KLHL30: variants seen among roughly 807,000 people sequenced by gnomAD.
KLHL30 encodes kelch like family member 30.
KLHL30 carries 55 observed loss-of-function variants against 55.0 expected under a neutral mutation model. That is an observed-to-expected ratio of 1.00 (90% confidence interval 0.80 to 1.25). KLHL30 has a LOEUF of 1.25. Ranked by LOEUF, KLHL30 falls within the 50% of genes most tolerant of loss-of-function variation. The pLI, the probability that KLHL30 is intolerant of heterozygous loss-of-function variation, is 0.00. For synonymous variants in KLHL30, 356 were observed against 372.6 expected, an observed-to-expected ratio of 0.96 and a Z score of 0.51; for missense variants, 786 against 811.6, an observed-to-expected ratio of 0.97 and a Z score of 0.38.
rs1559275987 is a variant in KLHL30, at chr2:238,144,424, A to AGGCAGGC, written c.908-478_908-477insGGCAGGC. 3.7e-3 allele frequency among the ~76,000 whole-genome samples: 303 copies of AGGCAGGC among 82,468 alleles called. 2 individuals are homozygous for AGGCAGGC. Among genetic ancestry groups the AGGCAGGC allele is most frequent in the Non-Finnish European group, 5.4e-3 (200 of 37,100 alleles). 54.1% of individuals were successfully genotyped at this position (82,468 alleles called of 152,430 possible). ...GAAGGAAGGAAGGAAGGAAGGAAGG[A>AGGCAGGC]AGGAAGGAAGGCAGGCAGGCAGGCA... is the stretch of plus-strand genomic sequence containing the variant. On this transcript the variant is annotated intron_variant, in intron 3 of 7. Coordinates refer to ENST00000409223, the MANE Select transcript of KLHL30 (RefSeq NM_198582.4).
Position 238,150,976 on chromosome 2 carries a change from C to G in KLHL30, c.1648C>G (p.Pro550Ala). ...RDTWTRHGALPRLWLYHGAST... is the reference protein window; with the variant it reads ...RDTWTRHGALARLWLYHGAST... ...CACCTGGACCCGCCACGGCGCCCTG[C>G]CCCGGCTCTGGCTCTACCACGGGGC... Residue 550 changes from proline (P) to alanine (A), a missense_variant, in exon 8 of 8, where the codon CCC becomes GCC. By Grantham distance (27) the Pro-to-Ala change is conservative. Transcript: ENST00000409223. The G allele has an allele frequency of 6.3e-7, 1 of 1,590,838 alleles. No individual in the cohort carries two copies. Among genetic ancestry groups the G allele is most frequent in the South Asian group, 1.1e-5 (1 of 87,386 alleles).
chr2:238,144,957 G>A lies in KLHL30; in HGVS notation c.963G>A (p.Leu321=). 1 of 1,610,274 alleles carries A rather than the reference G, an allele frequency of 6.2e-7. No homozygotes were observed. Among genetic ancestry groups the A allele is most frequent in the East Asian group, 2.2e-5 (1 of 44,790 alleles). ...FPDYHKWGFS[L]AALNNNIYVT... is the part of the protein sequence containing the mutation. ...ACTATCACAAGTGGGGTTTCTCCCT[G>A]GCGGCCCTGAACAACAACATCTATG... The change falls in exon 4 of 8, where the codon CTG becomes CTA. Residue 321 remains leucine, a synonymous_variant. Transcript: ENST00000409223.
chr2:238,139,801 G>T (rs1435520748), intron 1 of KLHL30, among the ~76,000 whole-genome samples: 1 of 152,252 alleles, frequency 6.6e-6, no homozygotes, highest in Non-Finnish European at 1.5e-5. Flanking sequence ...TCGCCCTGGG[G>T]TGACCCGGGT....
chr2:238,141,105 G>A lies in KLHL30; in HGVS notation c.351G>A (p.Ser117=), dbSNP rs765756335. The A allele has an allele frequency of 2.2e-5, 36 of 1,608,214 alleles. No individual in the cohort carries two copies. The East Asian group carries it at 2.5e-4, about 11-fold the overall frequency. ...CGGCTGCGCGCCTGCACTTCCCCTC[G>A]GTGCAGAAGGTCTGCGGCCGCTACC... The part of the protein sequence containing the change: ...TRTAARLHFP[S]VQKVCGRYLQ... Residue 117 remains serine (S), a synonymous_variant, in exon 2 of 8, where the codon TCG becomes TCA. Coordinates refer to ENST00000409223, the MANE Select transcript of KLHL30 (RefSeq NM_198582.4).
intron 1 of KLHL30, among the ~76,000 whole-genome samples, chr2:238,138,992 C>T (rs1249671041): frequency 6.6e-6 from 1 of 152,186 alleles, no homozygotes; most frequent in Non-Finnish European, 1.5e-5. Context: ...GCTGGGCCAC[C>T]CCTCAGATGG....
Position 238,150,916 on chromosome 2 carries a change from C to T in KLHL30, c.1588C>T (p.His530Tyr), listed in dbSNP as rs749038599. The T allele has an allele frequency of 1.0e-5, 16 of 1,597,370 alleles. No individual in the cohort carries two copies. Among genetic ancestry groups the T allele is most frequent in the East Asian group, 2.3e-5 (1 of 43,922 alleles). Residue 530 changes from histidine (H) to tyrosine (Y), a missense_variant, in exon 8 of 8, where the codon CAC (histidine) becomes TAC (tyrosine). Coordinates refer to ENST00000409223, the MANE Select transcript of KLHL30 (RefSeq NM_198582.4). ...GRWQGMEGDYHVEMEAYDTVR... is the reference protein window; with the variant it reads ...GRWQGMEGDYYVEMEAYDTVR... ...CTGGCAGGGCATGGAAGGTGACTAC[C>T]ACGTGGAGATGGAGGCCTACGACAC...
rs1315270797 is a variant in KLHL30, at chr2:238,147,295, A to G, written c.1151-539A>G. Among the ~76,000 whole-genome samples the G allele has an allele frequency of 6.6e-6, 1 of 151,750 alleles. No individual in the cohort carries two copies. The highest frequency in any genetic ancestry group is 2.4e-5 in the African/African-American group (1 of 41,300). ...GTGGCTACCGTGTCCCCAACCAGAGAGCAGAAAGCACCCAGGGCTCCCGAG... is the reference window on the plus strand; with the variant it reads ...GTGGCTACCGTGTCCCCAACCAGAGGGCAGAAAGCACCCAGGGCTCCCGAG... On this transcript the variant is annotated intron_variant, in intron 5 of 7. Transcript: ENST00000409223. This position sits in a 1 kb window ranked among gnomAD's most constrained non-coding sequence, Gnocchi z 5.8.
rs1304669292 is a variant in KLHL30 at position 238,140,793 on chromosome 2, C to T, written c.39C>T (p.Pro13=). The T allele has an allele frequency of 6.3e-7, 1 of 1,578,216 alleles. No individual in the cohort carries two copies. Among genetic ancestry groups the T allele is most frequent in the South Asian group, 1.1e-5 (1 of 88,018 alleles). ...TGGATGACCTGGATTTCCACCTGCC[C>T]TCGCATGCCCAGGACATGCTGGATG... is the stretch of plus-strand genomic sequence containing the variant. ...RNVDDLDFHL[P]SHAQDMLDGL... is the part of the protein sequence containing the mutation. Residue 13 remains proline, a synonymous_variant, in exon 2 of 8, where the codon CCC becomes CCT. Transcript: ENST00000409223.
In KLHL30 at chr2:238,145,806, T is replaced by C. The variant is rs1692637593; in HGVS notation, c.1124T>C (p.Leu375Pro). Residue 375 changes from leucine to proline, a missense_variant, in exon 5 of 8, where the codon CTC (leucine) becomes CCC (proline). Transcript: ENST00000409223. ...KPRTNHASAA[L>P]NGEIYVIGGT... ...CGCACCAACCACGCCAGCGCGGCCC[T>C]CAATGGGGAGATCTACGTTATCGGC... The C allele has an allele frequency of 6.2e-7, 1 of 1,606,838 alleles. No individual in the cohort carries two copies. Among genetic ancestry groups the C allele is most frequent in the African/African-American group, 1.3e-5 (1 of 74,800 alleles).
rs1260855136 is a variant in KLHL30, at chr2:238,141,122, G to A, written c.368G>A (p.Gly123Asp). Residue 123 changes from glycine to aspartate, a missense_variant, in exon 2 of 8, where the codon GGC becomes GAC. Gly to Asp is a moderately conservative substitution (Grantham distance 94). Coordinates refer to ENST00000409223, the MANE Select transcript of KLHL30 (RefSeq NM_198582.4). ...LHFPSVQKVC[G>D]RYLQQQLDAA... Reference sequence around the variant, plus strand: ...TTCCCCTCGGTGCAGAAGGTCTGCGGCCGCTACCTGCAGCAGCAACTGGAT... The same window carrying A: ...TTCCCCTCGGTGCAGAAGGTCTGCGACCGCTACCTGCAGCAGCAACTGGAT... 6.2e-7 allele frequency: 1 copy of A among 1,611,096 alleles called. No homozygotes were observed. Among genetic ancestry groups the A allele is most frequent in the Admixed American group, 1.7e-5 (1 of 59,930 alleles).
intron 1 of KLHL30, among the ~76,000 whole-genome samples, chr2:238,140,279 A>G (rs1007834786): frequency 2.0e-5 from 3 of 152,106 alleles, no homozygotes; most frequent in African/African-American, 2.4e-5. Context: ...GCAGCCCCCA[A>G]ATGGCCTCCC....
chr2:238,140,661 T>C (rs983500219), intron 1 of KLHL30, 24 bp from the exon 2 acceptor site: 23 of 1,356,916 alleles, frequency 1.7e-5, no homozygotes, highest in Non-Finnish European at 2.2e-5. Context: ...CCCACTTGGC[T>C]GACCCTGCTC....
rs78983844 is a variant in KLHL30, at chr2:238,147,575, G to A, written c.1151-259G>A. Among the ~76,000 whole-genome samples the A allele has an allele frequency of 8.5e-3, 1,301 of 152,196 alleles. 36 individuals are homozygous for A. In the East Asian group the frequency reaches 0.089, roughly 10 times the overall value. On this transcript the variant is annotated intron_variant, in intron 5 of 7. Coordinates refer to ENST00000409223, the MANE Select transcript of KLHL30 (RefSeq NM_198582.4). This position sits in a 1 kb window ranked among gnomAD's most constrained non-coding sequence, Gnocchi z 5.8. ...CCTCCTGACAGCTCCCCGCCACCCC[G>A]TTCCCAAACATCAGCCCCAGCTCGA... is the stretch of plus-strand genomic sequence containing the variant.
At position 238,149,014 on chromosome 2, in the gene KLHL30, G is replaced by A. The variant is rs909910407; in HGVS notation, c.1347G>A (p.Trp449Ter). The A allele has an allele frequency of 3.1e-6, 5 of 1,599,804 alleles. No individual in the cohort carries two copies. The African/African-American group carries it at 5.3e-5, about 17-fold the overall frequency. Residue 449 changes from tryptophan to a stop codon, truncating the protein, a stop_gained, in exon 7 of 8, where the codon TGG (tryptophan) becomes TGA (stop). Transcript: ENST00000409223. LOFTEE classifies it high-confidence loss of function. The part of the protein sequence containing the change: ...LQCYNPVTDA[W>*]SVIASPFLPK... ...TGCCCGTGCCCCCCACAGATGCGTG[G>A]AGTGTGATCGCCTCGCCCTTCCTGC... is the stretch of plus-strand genomic sequence containing the variant.
At position 238,140,968 on chromosome 2, in the gene KLHL30, G is replaced by C. The variant is rs758941616; in HGVS notation, c.214G>C (p.Ala72Pro). ...GGGTGACTTCGCCGAGAGCTTCTCT[G>C]CGCGCGTGGAGCTGCGGGACGTGGA... ...FAGDFAESFS[A>P]RVELRDVEPA... is the part of the protein sequence containing the mutation. The change falls in exon 2 of 8, where the codon GCG becomes CCG. Residue 72 changes from alanine (A) to proline (P), a missense_variant. Ala to Pro is a conservative substitution (Grantham distance 27). Coordinates refer to ENST00000409223, the MANE Select transcript of KLHL30 (RefSeq NM_198582.4). 1.9e-6 allele frequency: 3 copies of C among 1,612,182 alleles called. No homozygotes were observed. In the South Asian group the frequency reaches 3.3e-5, roughly 18 times the overall value.
intron 3 of KLHL30, among the ~76,000 whole-genome samples, chr2:238,144,396 AAGGAAGGAAGGAAG>A (rs1692597605): frequency 2.0e-5 from 2 of 101,588 alleles, no homozygotes; most frequent in African/African-American, 8.6e-5. Flanking sequence ...GGAAGGAAGG[AAGGAAGGAAGGAAG>A]GAAGGAAGGA....
rs375667599 is a variant in KLHL30 at position 238,141,063 on chromosome 2, G to A, written c.309G>A (p.Val103=). 2 of 1,610,980 alleles carry A rather than the reference G, an allele frequency of 1.2e-6. No individual in the cohort carries two copies. The highest frequency in any genetic ancestry group is 1.7e-6 in the Non-Finnish European group (2 of 1,178,582). The change falls in exon 2 of 8, where the codon GTG becomes GTA. Residue 103 remains valine (V), a synonymous_variant. Transcript: ENST00000409223. ...TGRLTITQGN[V]EALTRTAARL... is the part of the protein sequence containing the mutation. ...GGCTGACCATCACGCAGGGCAACGT[G>A]GAGGCGCTGACACGCACGGCTGCGC...
rs924557042 is a variant in KLHL30 at position 238,151,464 on chromosome 2, G to A, written c.*399G>A. ...TGCATGAATGTGGGGTGAACACGGA[G>A]CGTCCCAGAAAGCTGAGGCTGCTGG... is the stretch of plus-strand genomic sequence containing the variant. On this transcript the variant is annotated 3_prime_UTR_variant, in exon 8 of 8. Transcript: ENST00000409223. The A allele has an allele frequency of 8.4e-6, 2 of 238,404 alleles. No individual in the cohort carries two copies. Among genetic ancestry groups the A allele is most frequent in the African/African-American group, 4.5e-5 (2 of 44,604 alleles). 14.8% of individuals were successfully genotyped at this position (238,404 alleles called of 1,614,324 possible).
intron 6 of KLHL30, 131 bp downstream of exon 6, chr2:238,148,153 C>T (rs13009435): frequency 0.21 from 181,260 of 872,566 alleles, 19,648 homozygotes; most frequent in East Asian, 0.33. Flanking sequence ...AGCCGGCGGC[C>T]GCAGGCCTCT....
Sources: gnomAD v4.1 joint callset for allele counts (sites outside exome capture counted in the v4.1 genomes callset) on GRCh38, gnomAD v4.1.1 for gene constraint, Gnocchi (gnomAD v3.1) non-coding constraint, MANE v1.5 for transcripts, NCBI Gene and HGNC (gene_info 2026-07-23, HGNC 2026-07-21) for gene names.